Variants in DYSF observed in about 807,000 individuals in gnomAD.
The protein encoded by DYSF is dysferlin.
Under a neutral mutation model 274.9 loss-of-function variants are expected in DYSF, and 212 were observed. The ratio of observed to expected loss-of-function variants is 0.77; its 90% CI spans 0.69 to 0.86. DYSF has a LOEUF of 0.86. Ranked by LOEUF, DYSF falls within the 40% of genes least tolerant of loss-of-function variation. The pLI, the probability that DYSF is intolerant of heterozygous loss-of-function variation, is 0.00. For missense variants in DYSF, 2,666 were observed against 2,783.2 expected, an observed-to-expected ratio of 0.96 and a Z score of 0.95; for synonymous variants, 1,091 against 1,078.7, an observed-to-expected ratio of 1.01 and a Z score of -0.22.
At chr2:71,603,084 A>C in intron 36 of DYSF, among the ~76,000 whole-genome samples, 1 of 152,234 alleles carries the variant, frequency 6.6e-6, no homozygotes, top group East Asian at 1.9e-4. Flanking sequence ...TAAATGATTA[A>C]GTACCAGGTG....
At chr2:71,641,972 T>G (rs766260184) in intron 41 of DYSF, among the ~76,000 whole-genome samples, 5 of 152,246 alleles carry the variant, frequency 3.3e-5, no homozygotes, top group Non-Finnish European at 7.3e-5. Flanking sequence ...CTGTTTTTAG[T>G]GTAAATAATG....
At chr2:71,553,306 C>A in intron 20 of DYSF, 118 bp downstream of exon 20, 2 of 1,429,814 alleles carry the variant, frequency 1.4e-6, no homozygotes, top group Non-Finnish European at 9.7e-7. Context: ...CTGGTCCTGG[C>A]CCTGGCAAAC....
intron 1 of DYSF, among the ~76,000 whole-genome samples, chr2:71,478,812 C>T (rs2082629998): frequency 6.6e-6 from 1 of 152,026 alleles, no homozygotes; most frequent in Non-Finnish European, 1.5e-5. Context: ...TGGTCTTTTG[C>T]TCCCTCTCAC....
chr2:71,631,754 T>G (rs2094317315), intron 41 of DYSF, among the ~76,000 whole-genome samples: 1 of 152,064 alleles, frequency 6.6e-6, no homozygotes, highest in Non-Finnish European at 1.5e-5. Context: ...CCTCCGATAT[T>G]GGATCCTCGT....
At chr2:71,584,824 C>T (rs1370694768) in intron 30 of DYSF, among the ~76,000 whole-genome samples, 7 of 152,140 alleles carry the variant, frequency 4.6e-5, no homozygotes. Context: ...GATGATGCAG[C>T]TAAGGAAGAG....
intron 34 of DYSF, 145 bp from the exon 35 acceptor site, chr2:71,601,354 C>A (rs2152859751): frequency 9.3e-7 from 1 of 1,077,056 alleles, no homozygotes; most frequent in East Asian, 2.4e-5. Context: ...GGCACAGTGC[C>A]AGCCTAGCAT....
At chr2:71,508,319 G>A (rs1043612038) in intron 4 of DYSF, among the ~76,000 whole-genome samples, 73 of 152,212 alleles carry the variant, frequency 4.8e-4, no homozygotes, top group African/African-American at 1.6e-3. Flanking sequence ...CCTTCCAAAC[G>A]ATGAAATTAA....
In DYSF at chr2:71,571,047, C is replaced by A. The variant is rs1229794514; in HGVS notation, c.3228+306C>A. 1.7e-4 allele frequency: 71 copies of A among 426,962 alleles called. No homozygotes were observed. In the African/African-American group the frequency reaches 1.8e-3, roughly 11 times the overall value. 26.4% of individuals were successfully genotyped at this position (426,962 alleles called of 1,614,324 possible). A position where few individuals can be genotyped will look rare whatever the true frequency, so the allele number is the denominator to read the frequency against. On this transcript the variant is annotated intron_variant, in intron 29 of 55. Coordinates refer to ENST00000410020, the MANE Select transcript of DYSF (RefSeq NM_001130987.2). The stretch of plus-strand genomic sequence containing the variant: ...CAGCACACACACAGATTACACCCAG[C>A]ACACACACAGATCACACCCAGCACA...
Position 71,668,771 on chromosome 2 carries a change from G to C in DYSF, c.5475G>C (p.Trp1825Cys). 4 of 1,613,816 alleles carry C rather than the reference G, an allele frequency of 2.5e-6. No individual in the cohort carries two copies. The highest frequency in any genetic ancestry group is 3.4e-6 in the Non-Finnish European group (4 of 1,179,958). Residue 1825 changes from tryptophan (W) to cysteine (C), a missense_variant, in exon 49 of 56, where the codon TGG becomes TGC. This residue lies in a region of DYSF where 1,460 missense variants were observed against 1,502.1 expected (regional missense o/e 0.97). Transcript: ENST00000410020. ...PDIEQGKLQM[W>C]VDLFPKALGR... is the part of the protein sequence containing the mutation. The stretch of plus-strand genomic sequence containing the variant: ...CTCCGCAGGGGAAGCTGCAGATGTG[G>C]GTCGACCTATTTCCGAAGGCCCTGG...
rs1288552080 is a variant in DYSF at position 71,685,478 on chromosome 2, C to T, written c.6322-976C>T. On this transcript the variant is annotated intron_variant, in intron 55 of 55. Coordinates refer to ENST00000410020, the MANE Select transcript of DYSF (RefSeq NM_001130987.2). ...AAGTCACTCATTCATTTGGCCAGTA[C>T]CAGATGATGAGGGCCGGGCCCTGGT... 5.3e-5 allele frequency among the ~76,000 whole-genome samples: 8 copies of T among 152,330 alleles called. No homozygotes were observed. The East Asian group carries it at 1.2e-3, about 22-fold the overall frequency.
chr2:71,570,317 G>T lies in DYSF; in HGVS notation c.3068G>T (p.Arg1023Leu). Residue 1023 changes from arginine (R) to leucine (L), a missense_variant, in exon 28 of 56, where the codon CGG becomes CTG. Arg to Leu is a moderately radical substitution (Grantham distance 102, BLOSUM62 -2). Transcript: ENST00000410020. ...GAGGAATGGTCCACAGACCTCAACC[G>T]GGCTGTCGATGAGCAAGGTGGGCAG... ...EDEEWSTDLNRAVDEQGWEYS... is the reference protein window; with the variant it reads ...EDEEWSTDLNLAVDEQGWEYS... 1 of 1,614,096 alleles carries T rather than the reference G, an allele frequency of 6.2e-7. No homozygotes were observed. Among genetic ancestry groups the T allele is most frequent in the African/African-American group, 1.3e-5 (1 of 75,020 alleles).
intron 42 of DYSF, among the ~76,000 whole-genome samples, chr2:71,652,324 G>A (rs1224828769): frequency 6.6e-6 from 1 of 152,128 alleles, no homozygotes; most frequent in African/African-American, 2.4e-5. Context: ...ATTTTAGAAA[G>A]GAGAAGACAA....
At chr2:71,629,552 G>A (rs227771) in intron 41 of DYSF, among the ~76,000 whole-genome samples, 60,902 of 152,002 alleles carry the variant, frequency 0.4, 13,257 homozygotes, top group East Asian at 0.49. Context: ...CATTCTTTTA[G>A]AGAGGATATG....
intron 13 of DYSF, among the ~76,000 whole-genome samples, chr2:71,527,864 A>C (rs1014292379): frequency 6.6e-5 from 10 of 152,342 alleles, no homozygotes; most frequent in Non-Finnish European, 1.5e-4. Flanking sequence ...TAAAAAAAAA[A>C]CAACAGAATT....
chr2:71,526,435 T>A (rs1281930199), intron 13 of DYSF, 89 bp downstream of exon 13: 2 of 1,525,512 alleles, frequency 1.3e-6, no homozygotes, highest in African/African-American at 2.8e-5. Flanking sequence ...CGGGGTCAGC[T>A]CCCTGGGGGA....
At chr2:71,635,152 T>C (rs1337437307) in intron 41 of DYSF, among the ~76,000 whole-genome samples, 1 of 152,200 alleles carries the variant, frequency 6.6e-6, no homozygotes, top group African/African-American at 2.4e-5. Flanking sequence ...GGAGCTGACC[T>C]GGAGGCAGGG....
intron 12 of DYSF, among the ~76,000 whole-genome samples, chr2:71,525,598 A>T (rs1453893228): frequency 6.6e-6 from 1 of 152,184 alleles, no homozygotes; most frequent in African/African-American, 2.4e-5. Flanking sequence ...ATTAAATGAG[A>T]GAGTGCATAC....
rs1337050348 is a variant in DYSF, at chr2:71,493,741, A to G, written c.240-9473A>G. On this transcript the variant is annotated intron_variant, in intron 3 of 55. Transcript: ENST00000410020. ...ATGGCATGCGCCTGTAGTCCCAGCT[A>G]CCCGGGAGGCTGAGGCAGGAGAATT... is the stretch of plus-strand genomic sequence containing the variant. Among the ~76,000 whole-genome samples, 3 of 149,452 alleles carry G rather than the reference A, an allele frequency of 2.0e-5. No homozygotes were observed. In the East Asian group the frequency reaches 6.3e-4, roughly 31 times the overall value.
intron 22 of DYSF, among the ~76,000 whole-genome samples, chr2:71,560,382 G>A (rs796625525): frequency 1.3e-5 from 1 of 77,600 alleles, no homozygotes; most frequent in South Asian, 3.1e-4. Context: ...GCTTGCCCCC[G>A]CTCTCAGGCC....
Sources: allele counts gnomAD v4.1 joint callset (sites outside exome capture counted in the v4.1 genomes callset), GRCh38; gene constraint gnomAD v4.1.1; regional missense constraint gnomAD v4.1.1; transcripts MANE v1.5; gene names NCBI Gene and HGNC (gene_info 2026-07-23, HGNC 2026-07-21).